The following GFI1 variants were observed in gnomAD, a reference collection of about 807,000 sequenced individuals.
The protein encoded by GFI1 is zinc finger protein Gfi-1.
A neutral mutation model predicts 39.2 loss-of-function variants in GFI1; 15 were observed. The ratio of observed to expected loss-of-function variants is 0.38; its 90% CI spans 0.26 to 0.59. The LOEUF is 0.59. Ranked by LOEUF, GFI1 falls within the 20% of genes least tolerant of loss-of-function variation. The pLI, the probability that GFI1 is intolerant of heterozygous loss-of-function variation, is 0.62. For missense variants in GFI1, 475 were observed against 574.0 expected, an observed-to-expected ratio of 0.83 and a Z score of 1.76; for synonymous variants, 239 against 254.3, an observed-to-expected ratio of 0.94 and a Z score of 0.57.
At chr1:92,485,145 G>A (rs1006873035) in intron 1 of GFI1, among the ~76,000 whole-genome samples, 1 of 152,160 alleles carries the variant, frequency 6.6e-6, no homozygotes, top group African/African-American at 2.4e-5. Flanking sequence ...ACGTGTCGCG[G>A]GGCTCCCGCG....
At chr1:92,477,574 G>C (rs917530515) in intron 6 of GFI1, among the ~76,000 whole-genome samples, 1 of 152,104 alleles carries the variant, frequency 6.6e-6, no homozygotes, top group Admixed American at 6.5e-5. Flanking sequence ...ACTCCCACCC[G>C]CACATAAAGT....
chr1:92,481,952 T>TGCGCGCGCGC lies in GFI1; in HGVS notation c.299-865_299-864insGCGCGCGCGC, dbSNP rs1553163125. On this transcript the variant is annotated intron_variant, in intron 3 of 6. Transcript: ENST00000294702. The surrounding 1 kb of genome is among the most constrained non-coding windows in gnomAD (Gnocchi z 4.3). ...ATTTACAAATGTGTGTGTGTGTGTGTGCGCACAACACTCCAGTTCAGGCTG... is the reference window on the plus strand; with the variant it reads ...ATTTACAAATGTGTGTGTGTGTGTGTGCGCGCGCGCGCGCACAACACTCCAGTTCAGGCTG... Among the ~76,000 whole-genome samples the TGCGCGCGCGC allele has an allele frequency of 2.3e-3, 346 of 148,894 alleles. 4 individuals are homozygous for TGCGCGCGCGC. In the East Asian group the frequency reaches 0.037, roughly 16 times the overall value.
Position 92,484,421 on chromosome 1 carries a change from A to G in GFI1, c.-99-835T>C, listed in dbSNP as rs1267679478. On this transcript the variant is annotated intron_variant, in intron 1 of 6. Transcript: ENST00000294702. This position sits in a 1 kb window ranked among gnomAD's most constrained non-coding sequence, Gnocchi z 4.1. ...TAACCTCGGGAATCAGGTCCCGGGA[A>G]AAAAGCACTTTCCGTTCTGCTCACC... 1.3e-5 allele frequency: 2 copies of G among 152,240 alleles called. No individual in the cohort carries two copies. The highest frequency in any genetic ancestry group is 1.5e-5 in the Non-Finnish European group (1 of 68,090). The allele number at this position is 152,240 out of a possible 1,614,324, so 9.4% of individuals were successfully genotyped here.
In GFI1 at chr1:92,481,004, G is replaced by C. The variant is rs371451553; in HGVS notation, c.383C>G (p.Ala128Gly). ...CACCAGGTGCCGCAGGTCAGAACCCGCCAGGCCGCTCCATGAGTACGGTTT... is the reference window on the plus strand; with the variant it reads ...CACCAGGTGCCGCAGGTCAGAACCCCCCAGGCCGCTCCATGAGTACGGTTT... ...PFKPYSWSGL[A>G]GSDLRHLVQS... Residue 128 changes from alanine (A) to glycine (G), a missense_variant, in exon 4 of 7, where the codon GCG becomes GGG. By Grantham distance (60) the Ala-to-Gly change is moderately conservative (BLOSUM62 0). This residue lies in a region of GFI1 where 275 missense variants were observed against 275.8 expected (regional missense o/e 1.00). Coordinates refer to ENST00000294702, the MANE Select transcript of GFI1 (RefSeq NM_005263.5). This position sits in a 1 kb window ranked among gnomAD's most constrained non-coding sequence, Gnocchi z 4.3. 5 of 1,609,932 alleles carry C rather than the reference G, an allele frequency of 3.1e-6. No individual in the cohort carries two copies. Among genetic ancestry groups the C allele is most frequent in the Non-Finnish European group, 4.2e-6 (5 of 1,178,626 alleles).
chr1:92,482,823 C>G lies in GFI1; in HGVS notation c.298+41G>C, dbSNP rs771263599. On this transcript the variant is annotated intron_variant, in intron 3 of 6. Coordinates refer to ENST00000294702, the MANE Select transcript of GFI1 (RefSeq NM_005263.5). This position sits in a 1 kb window ranked among gnomAD's most constrained non-coding sequence, Gnocchi z 4.4. ...CAATTCCCCCCCAGCACTGCCGGGT[C>G]CCTGCAGCTCCCGCCCAAGAGGTTC... 1 of 1,532,182 alleles carries G rather than the reference C, an allele frequency of 6.5e-7. No individual in the cohort carries two copies. Among genetic ancestry groups the G allele is most frequent in the Non-Finnish European group, 9.0e-7 (1 of 1,105,920 alleles). 94.9% of individuals were successfully genotyped at this position (1,532,182 alleles called of 1,614,324 possible). A position where few individuals can be genotyped will look rare whatever the true frequency, so the allele number is the denominator to read the frequency against.
At chr1:92,483,776 C>T (rs1658405928) in intron 1 of GFI1, 190 bp from the exon 2 acceptor site, 3 of 457,958 alleles carry the variant, frequency 6.6e-6, no homozygotes, top group African/African-American at 2.0e-5. Flanking sequence ...GCCGTCGTTG[C>T]CGCCGCCGCC....
chr1:92,480,576 G>A lies in GFI1; in HGVS notation c.786+25C>T. 1 of 1,541,052 alleles carries A rather than the reference G, an allele frequency of 6.5e-7. No individual in the cohort carries two copies. Among genetic ancestry groups the A allele is most frequent in the South Asian group, 1.2e-5 (1 of 84,088 alleles). On this transcript the variant is annotated intron_variant, in intron 4 of 6. Transcript: ENST00000294702. The surrounding 1 kb of genome is among the most constrained non-coding windows in gnomAD (Gnocchi z 5.6). ...TAGGGGAAGCGGGCGCACGGCAGGC[G>A]AGGTGGTGAGCTCGGGAGCCTCACC...
rs1391023459 is a variant in GFI1 at position 92,475,015 on chromosome 1, A to T, written c.*1014T>A. ...AACTGAATATACACACATATCTTTG[A>T]AGTAACTGTTCAGCTTTTTGTTTAC... On this transcript the variant is annotated 3_prime_UTR_variant, in exon 7 of 7. Coordinates refer to ENST00000294702, the MANE Select transcript of GFI1 (RefSeq NM_005263.5). 2 of 152,220 alleles carry T rather than the reference A, an allele frequency of 1.3e-5. No homozygotes were observed. The highest frequency in any genetic ancestry group is 1.9e-4 in the East Asian group (1 of 5,204). 9.4% of individuals were successfully genotyped at this position (152,220 alleles called of 1,614,324 possible). A position where few individuals can be genotyped will look rare whatever the true frequency, so the allele number is the denominator to read the frequency against.
chr1:92,480,684 C>A lies in GFI1; in HGVS notation c.703G>T (p.Ala235Ser), dbSNP rs1190571821. ...RGHGLHADKGAGVKVESELLC... is the reference protein window; with the variant it reads ...RGHGLHADKGSGVKVESELLC... The stretch of plus-strand genomic sequence containing the variant: ...AGCTCCGACTCCACCTTGACGCCAG[C>A]GCCCTTGTCTGCGTGCAGCCCGTGG... The change falls in exon 4 of 7, where the codon GCT becomes TCT. Residue 235 changes from alanine (A) to serine (S), a missense_variant. Physicochemically the swap from Ala to Ser is moderately conservative, Grantham distance 99. Coordinates refer to ENST00000294702, the MANE Select transcript of GFI1 (RefSeq NM_005263.5). The surrounding 1 kb of genome is among the most constrained non-coding windows in gnomAD (Gnocchi z 5.6). 1.3e-6 allele frequency: 2 copies of A among 1,596,168 alleles called. No individual in the cohort carries two copies. Among genetic ancestry groups the A allele is most frequent in the South Asian group, 1.1e-5 (1 of 89,582 alleles).
intron 6 of GFI1, among the ~76,000 whole-genome samples, chr1:92,476,612 C>T (rs1480084535): frequency 3.3e-5 from 5 of 152,156 alleles, no homozygotes; most frequent in South Asian, 4.1e-4. Flanking sequence ...CGTGTGACTC[C>T]GTTCTAATTC....
rs143369240 is a variant in GFI1 at position 92,483,188 on chromosome 1, C to A, written c.116-142G>T. ...CCCCGGCCGGGAACCCTCTCGGATC[C>A]GAGGGCAGGCGCAGAGAGGCCATGG... On this transcript the variant is annotated intron_variant, in intron 2 of 6. Transcript: ENST00000294702. The A allele has an allele frequency of 7.6e-4, 635 of 834,376 alleles. 1 individual carries two copies. In the African/African-American group the frequency reaches 9.7e-3, roughly 13 times the overall value. The allele number at this position is 834,376 out of a possible 1,614,324, so 51.7% of individuals were successfully genotyped here.
In GFI1 at chr1:92,482,800, A is replaced by G; in HGVS notation, c.298+64T>C. 2.3e-6 allele frequency: 3 copies of G among 1,332,304 alleles called. No individual in the cohort carries two copies. The highest frequency in any genetic ancestry group is 3.2e-6 in the Non-Finnish European group (3 of 925,306). The allele number at this position is 1,332,304 out of a possible 1,614,324, so 82.5% of individuals were successfully genotyped here. A position where few individuals can be genotyped will look rare whatever the true frequency, so the allele number is the denominator to read the frequency against. The stretch of plus-strand genomic sequence containing the variant: ...CATTTCTACGCCCAAGGTCGCGCCA[A>G]TTCCCCCCCAGCACTGCCGGGTCCC... On this transcript the variant is annotated intron_variant, in intron 3 of 6. Transcript: ENST00000294702. This position sits in a 1 kb window ranked among gnomAD's most constrained non-coding sequence, Gnocchi z 4.4.
In GFI1 at chr1:92,478,665, C is replaced by T. The variant is rs1349623109; in HGVS notation, c.1013G>A (p.Arg338Gln). Residue 338 changes from arginine to glutamine, a missense_variant, in exon 6 of 7, where the codon CGG (arginine) becomes CAG (glutamine). By Grantham distance (43) the Arg-to-Gln change is conservative. Around this residue, in one of 4 missense-constraint regions of GFI1, gnomAD observed 112 missense variants for 202.8 expected, o/e 0.55. Transcript: ENST00000294702. ...STHLLIHSDT[R>Q]PYPCQYCGKR... ...GCCACAGTACTGACAGGGGTAGGGC[C>T]GAGTGTCTGAGTGGATAAGCAGGTG... The T allele has an allele frequency of 1.9e-6, 3 of 1,613,154 alleles. No individual in the cohort carries two copies. The highest frequency in any genetic ancestry group is 4.5e-5 in the East Asian group (2 of 44,820).
At position 92,476,764 on chromosome 1, in the gene GFI1, C is replaced by T. The variant is rs1022511480; in HGVS notation, c.1091-557G>A. 8.0e-5 allele frequency among the ~76,000 whole-genome samples: 12 copies of T among 149,114 alleles called. No individual in the cohort carries two copies. In the East Asian group the frequency reaches 2.3e-3, roughly 29 times the overall value. On this transcript the variant is annotated intron_variant, in intron 6 of 6. Coordinates refer to ENST00000294702, the MANE Select transcript of GFI1 (RefSeq NM_005263.5). ...ATGGACTTTCTTTCTTTCTTTATTT[C>T]TCTCTCTCTCTCTCTTTCTTTCTAA...
rs1216495552 is a variant in GFI1, at chr1:92,482,928, G to A, written c.234C>T (p.Ser78=). 2 of 1,613,954 alleles carry A rather than the reference G, an allele frequency of 1.2e-6. No individual in the cohort carries two copies. The highest frequency in any genetic ancestry group is 1.7e-5 in the Admixed American group (1 of 60,032). ...ASASPDSCEG[S]VCERSSEFED... ...CAAACTCCGAGCTCCGTTCGCAGACGCTGCCTTCGCAGCTGTCTGGGGATG... is the reference window on the plus strand; with the variant it reads ...CAAACTCCGAGCTCCGTTCGCAGACACTGCCTTCGCAGCTGTCTGGGGATG... Residue 78 remains serine (S), a synonymous_variant, in exon 3 of 7, where the codon AGC becomes AGT. Transcript: ENST00000294702. This position sits in a 1 kb window ranked among gnomAD's most constrained non-coding sequence, Gnocchi z 4.4.
Position 92,482,845 on chromosome 1 carries a change from G to A in GFI1, c.298+19C>T. On this transcript the variant is annotated intron_variant, in intron 3 of 6. Coordinates refer to ENST00000294702, the MANE Select transcript of GFI1 (RefSeq NM_005263.5). This position sits in a 1 kb window ranked among gnomAD's most constrained non-coding sequence, Gnocchi z 4.4. The stretch of plus-strand genomic sequence containing the variant: ...GGTCCCTGCAGCTCCCGCCCAAGAG[G>A]TTCCCAGTGGGTTCCTACCTGGAGA... 4 of 1,607,810 alleles carry A rather than the reference G, an allele frequency of 2.5e-6. No homozygotes were observed. The highest frequency in any genetic ancestry group is 3.4e-6 in the Non-Finnish European group (4 of 1,174,414).
Position 92,481,307 on chromosome 1 carries a change from T to C in GFI1, c.299-219A>G, listed in dbSNP as rs1658240319. ...GGAGGCAGAACAGTAAACAGATCAT[T>C]GAAAAGACCTCGGGAGAGGAGGTCG... On this transcript the variant is annotated intron_variant, in intron 3 of 6. Coordinates refer to ENST00000294702, the MANE Select transcript of GFI1 (RefSeq NM_005263.5). This position sits in a 1 kb window ranked among gnomAD's most constrained non-coding sequence, Gnocchi z 4.3. Among the ~76,000 whole-genome samples, 1 of 152,172 alleles carries C rather than the reference T, an allele frequency of 6.6e-6. No homozygotes were observed. Among genetic ancestry groups the C allele is most frequent in the Admixed American group, 6.5e-5 (1 of 15,286 alleles).
In GFI1 at chr1:92,481,066, T is replaced by C. The variant is rs762185971; in HGVS notation, c.321A>G (p.Pro107=). 3.7e-6 allele frequency: 6 copies of C among 1,611,564 alleles called. No individual in the cohort carries two copies. The highest frequency in any genetic ancestry group is 1.1e-5 in the South Asian group (1 of 90,994). Residue 107 remains proline (P), a synonymous_variant, in exon 4 of 7, where the codon CCA becomes CCG. Coordinates refer to ENST00000294702, the MANE Select transcript of GFI1 (RefSeq NM_005263.5). This position sits in a 1 kb window ranked among gnomAD's most constrained non-coding sequence, Gnocchi z 4.3. ...GGAAGGGCTGGGCTTCGTCCAGCGA[T>C]GGGCACATTGACTTCTCCGAGGCTG... ...ASPASEKSMC[P]SLDEAQPFPL...
chr1:92,481,199 T>G lies in GFI1; in HGVS notation c.299-111A>C. ...CGCGGACTGCGGGGCACCCAGCGCTTGTAGAACACTGCGTGCGCCAGGTGC... is the reference window on the plus strand; with the variant it reads ...CGCGGACTGCGGGGCACCCAGCGCTGGTAGAACACTGCGTGCGCCAGGTGC... On this transcript the variant is annotated intron_variant, in intron 3 of 6. Coordinates refer to ENST00000294702, the MANE Select transcript of GFI1 (RefSeq NM_005263.5). This position sits in a 1 kb window ranked among gnomAD's most constrained non-coding sequence, Gnocchi z 4.3. 8.3e-6 allele frequency: 8 copies of G among 958,492 alleles called. 1 individual carries two copies. The highest frequency in any genetic ancestry group is 5.5e-4 in the Middle Eastern group (2 of 3,650). The allele number at this position is 958,492 out of a possible 1,614,324, so 59.4% of individuals were successfully genotyped here. A position where few individuals can be genotyped will look rare whatever the true frequency, so the allele number is the denominator to read the frequency against.
Sources: allele counts gnomAD v4.1 joint callset (sites outside exome capture counted in the v4.1 genomes callset), GRCh38; gene constraint gnomAD v4.1.1; regional missense constraint gnomAD v4.1.1; non-coding constraint Gnocchi (gnomAD v3.1); transcripts MANE v1.5; gene names NCBI Gene and HGNC (gene_info 2026-07-23, HGNC 2026-07-21).